Variants in POMT1 observed in about 807,000 individuals in gnomAD.
The protein encoded by POMT1 is protein O-mannosyl-transferase 1.
POMT1 carries 85 observed loss-of-function variants against 101.6 expected under a neutral mutation model. The observed-to-expected ratio is 0.84, with a 90% CI of 0.70 to 1.00. The LOEUF is 1.00. POMT1 is among the 50% of genes least tolerant of loss of function. The pLI, the probability that POMT1 is intolerant of heterozygous loss-of-function variation, is 0.00. For synonymous variants in POMT1, 371 were observed against 383.0 expected (o/e 0.97, Z 0.37); for missense variants, 857 against 930.4 (o/e 0.92, Z 1.03).
In POMT1 at chr9:131,511,476, A is replaced by G. The variant is rs202095070; in HGVS notation, c.986+9A>G. 9.0e-4 allele frequency: 1,449 copies of G among 1,614,018 alleles called. 3 individuals are homozygous for G. Among genetic ancestry groups the G allele is most frequent in the Middle Eastern group, 1.7e-3 (10 of 6,060 alleles). On this transcript the variant is annotated intron_variant, in intron 10 of 19. Coordinates refer to ENST00000402686, the MANE Select transcript of POMT1 (RefSeq NM_001077365.2). Reference sequence around the variant, plus strand: ...GACACCTACCCCATGATGTAAGGTGATGGTTTTACTTTGAAGATAATTAAA... The same window carrying G: ...GACACCTACCCCATGATGTAAGGTGGTGGTTTTACTTTGAAGATAATTAAA...
At chr9:131,506,243 C>A (rs770961685) in intron 3 of POMT1, 23 bp downstream of exon 3, 2 of 1,607,830 alleles carry the variant, frequency 1.2e-6, no homozygotes, top group African/African-American at 2.7e-5. Context: ...AGGAGAGTAG[C>A]CCCTACCCTT....
chr9:131,507,554 G>C lies in POMT1; in HGVS notation c.427+40G>C. 7 of 1,612,632 alleles carry C rather than the reference G, an allele frequency of 4.3e-6. No individual in the cohort carries two copies. The South Asian group carries it at 7.7e-5, about 18-fold the overall frequency. On this transcript the variant is annotated intron_variant, in intron 5 of 19. Coordinates refer to ENST00000402686, the MANE Select transcript of POMT1 (RefSeq NM_001077365.2). The stretch of plus-strand genomic sequence containing the variant: ...CCTGCCTGCTCTTGCTGTCATGCAG[G>C]GAAGAACTGACCCTTTGGCCCGGAA...
chr9:131,517,953 G>T (rs541446396), intron 13 of POMT1, among the ~76,000 whole-genome samples: 1 of 152,230 alleles, frequency 6.6e-6, no homozygotes, highest in Non-Finnish European at 1.5e-5. Flanking sequence ...TCATTGTGAG[G>T]CTCCAGTATG....
At chr9:131,516,997 G>T (rs1421167958) in intron 13 of POMT1, 1 of 152,272 alleles carries the variant, frequency 6.6e-6, no homozygotes, top group Non-Finnish European at 1.5e-5. Context: ...AAAGTCTTCT[G>T]TTACTGGACC....
chr9:131,505,222 C>T (rs1469931726), intron 2 of POMT1, among the ~76,000 whole-genome samples: 1 of 152,048 alleles, frequency 6.6e-6, no homozygotes, highest in African/African-American at 2.4e-5. Context: ...CAGGCCCCTC[C>T]CTGCAGTGGT....
chr9:131,513,505 C>T lies in POMT1; in HGVS notation c.1175+174C>T, dbSNP rs144547065. 0.011 allele frequency among the ~76,000 whole-genome samples: 1,604 copies of T among 152,226 alleles called. 16 individuals are homozygous for T. The highest frequency in any genetic ancestry group is 0.028 in the African/African-American group (1,147 of 41,526). On this transcript the variant is annotated intron_variant, in intron 12 of 19. Coordinates refer to ENST00000402686, the MANE Select transcript of POMT1 (RefSeq NM_001077365.2). The stretch of plus-strand genomic sequence containing the variant: ...CCGGGAGGGGACCCAGGCCTGGCCG[C>T]GGAAGGGAGCGGGGTTAAGAGGAAG...
Position 131,519,606 on chromosome 9 carries a change from C to T in POMT1, c.1584+120C>T. The T allele has an allele frequency of 1.0e-6, 1 of 966,104 alleles. No individual in the cohort carries two copies. Among genetic ancestry groups the T allele is most frequent in the South Asian group, 1.4e-5 (1 of 71,918 alleles). The allele number at this position is 966,104 out of a possible 1,614,324, so 59.8% of individuals were successfully genotyped here. Reference sequence around the variant, plus strand: ...GGCTTTGACGCTGGAGCTACAGGCTCACAACAGAATGAGTGTCTCCTCTCT... The same window carrying T: ...GGCTTTGACGCTGGAGCTACAGGCTTACAACAGAATGAGTGTCTCCTCTCT... On this transcript the variant is annotated intron_variant, in intron 16 of 19. Coordinates refer to ENST00000402686, the MANE Select transcript of POMT1 (RefSeq NM_001077365.2). This position sits in a 1 kb window ranked among gnomAD's most constrained non-coding sequence, Gnocchi z 4.3.
chr9:131,506,220 G>A lies in POMT1; in HGVS notation c.229G>A (p.Gly77Ser), dbSNP rs1945781261. ...TGGCCACATGGTGCTGGCCTTGGGAGGTAGGAGTCATCAGGAGAGTAGCCC... is the reference window on the plus strand; with the variant it reads ...TGGCCACATGGTGCTGGCCTTGGGAAGTAGGAGTCATCAGGAGAGTAGCCC... ...PFGHMVLALG[G>S]YLGGFDGNFL... is the part of the protein sequence containing the mutation. Residue 77 changes from glycine to serine, a missense_variant and splice_region_variant, in exon 3 of 20, where the codon GGT becomes AGT. Transcript: ENST00000402686. 6.2e-7 allele frequency: 1 copy of A among 1,613,628 alleles called. No homozygotes were observed. Among genetic ancestry groups the A allele is most frequent in the Admixed American group, 1.7e-5 (1 of 59,990 alleles).
At chr9:131,514,902 G>C (rs1229579217) in intron 12 of POMT1, among the ~76,000 whole-genome samples, 2 of 152,262 alleles carry the variant, frequency 1.3e-5, no homozygotes, top group Non-Finnish European at 2.9e-5. Context: ...ATTGCAGTGA[G>C]CTGAGATCGC....
rs1210268630 is a variant in POMT1, at chr9:131,512,080, G to A, written c.1026G>A (p.Val342=). ...GAGGCAGCTCCCACCAGCAACAGGT[G>A]ACCTGTTACCCCTTCAAAGATGTCA... The part of the protein sequence containing the change: ...NGRGSSHQQQ[V]TCYPFKDVNN... Residue 342 remains valine, a synonymous_variant, in exon 11 of 20, where the codon GTG becomes GTA. Coordinates refer to ENST00000402686, the MANE Select transcript of POMT1 (RefSeq NM_001077365.2). 6.2e-7 allele frequency: 1 copy of A among 1,613,988 alleles called. No individual in the cohort carries two copies. Among genetic ancestry groups the A allele is most frequent in the African/African-American group, 1.3e-5 (1 of 74,910 alleles).
At chr9:131,504,755 A>ATGTGTGTGTGTGTG (rs1049729805) in intron 2 of POMT1, among the ~76,000 whole-genome samples, 12 of 148,908 alleles carry the variant, frequency 8.1e-5, no homozygotes, top group African/African-American at 3.0e-4. Flanking sequence ...TAATGTGTGT[A>ATGTGTGTGTGTGTG]TGTGTGTGTG....
chr9:131,510,473 GT>G, intron 9 of POMT1, 58 bp downstream of exon 9: 20 of 1,549,962 alleles, frequency 1.3e-5, no homozygotes, highest in Non-Finnish European at 1.8e-5. Context: ...TGGACCCAGA[GT>G]TTTCTTACAA....
chr9:131,520,250 T>G (rs1949649796), intron 17 of POMT1, 57 bp downstream of exon 17: 9 of 1,415,870 alleles, frequency 6.4e-6, no homozygotes, highest in Admixed American at 3.4e-5. Flanking sequence ...TCTTGAGAAT[T>G]CCTTGCATTA....
At chr9:131,517,914 G>A (rs576341354) in intron 13 of POMT1, among the ~76,000 whole-genome samples, 35 of 152,370 alleles carry the variant, frequency 2.3e-4, no homozygotes, top group African/African-American at 8.2e-4. Context: ...GACAGTATGG[G>A]AAAATGACAG....
chr9:131,515,101 C>T (rs1020063403), intron 12 of POMT1, among the ~76,000 whole-genome samples: 2 of 152,226 alleles, frequency 1.3e-5, no homozygotes, highest in Non-Finnish European at 1.5e-5. Context: ...CAGCTGGCAT[C>T]GCAGCAGTAC....
At position 131,509,735 on chromosome 9, in the gene POMT1, T is replaced by C. The variant is rs778790327; in HGVS notation, c.540-8T>C. On this transcript the variant is annotated splice_region_variant and splice_polypyrimidine_tract_variant and intron_variant, in intron 6 of 19. Transcript: ENST00000402686. Reference sequence around the variant, plus strand: ...TTTCTGTCTCCATCTGCTTTGTTTTTATTCCAGCCCTTTTTCTCTGAGCTG... The same window carrying C: ...TTTCTGTCTCCATCTGCTTTGTTTTCATTCCAGCCCTTTTTCTCTGAGCTG... 3.1e-6 allele frequency: 5 copies of C among 1,614,262 alleles called. No homozygotes were observed. Among genetic ancestry groups the C allele is most frequent in the Non-Finnish European group, 4.2e-6 (5 of 1,180,048 alleles).
At chr9:131,514,870 C>T (rs1947952045) in intron 12 of POMT1, among the ~76,000 whole-genome samples, 2 of 152,190 alleles carry the variant, frequency 1.3e-5, no homozygotes, top group African/African-American at 4.8e-5. Context: ...GCAGGAGAAT[C>T]GCTTGAACCC....
Position 131,523,032 on chromosome 9 carries a change from A to G in POMT1, c.2104A>G (p.Lys702Glu). 1 of 1,611,146 alleles carries G rather than the reference A, an allele frequency of 6.2e-7. No individual in the cohort carries two copies. Among genetic ancestry groups the G allele is most frequent in the East Asian group, 2.2e-5 (1 of 44,876 alleles). Residue 702 changes from lysine to glutamate, a missense_variant, in exon 20 of 20, where the codon AAG (lysine) becomes GAG (glutamate). Transcript: ENST00000402686. ...GCTGCGCCCACTCACCTACGGGGAC[A>G]AGTCACTCTCGCCACATGAACTCAA... ...NTLRPLTYGD[K>E]SLSPHELKAL... is the part of the protein sequence containing the mutation.
intron 4 of POMT1, chr9:131,506,664 A>C (rs1273153634): frequency 3.3e-6 from 2 of 599,702 alleles, no homozygotes; most frequent in African/African-American, 3.7e-5. Context: ...CTTACTGTTC[A>C]GTTGCAGTCA....
Sources: gnomAD v4.1 joint callset for allele counts (sites outside exome capture counted in the v4.1 genomes callset) on GRCh38, gnomAD v4.1.1 for gene constraint, Gnocchi (gnomAD v3.1) non-coding constraint, MANE v1.5 for transcripts, NCBI Gene and HGNC (gene_info 2026-07-23, HGNC 2026-07-21) for gene names.